RBMS3: variants seen among roughly 807,000 people sequenced by gnomAD.
RBMS3 encodes the protein RNA-binding motif, single-stranded-interacting protein 3.
In RBMS3, 27 loss-of-function variants were observed where a neutral mutation model predicts 66.8. That is an observed-to-expected ratio of 0.40 (90% CI 0.30 to 0.56). The LOEUF (loss-of-function observed/expected upper bound fraction) is 0.56. RBMS3 is among the 20% of genes least tolerant of loss of function. The pLI is 0.40. For missense variants in RBMS3, 513 were observed against 549.5 expected (o/e 0.93, Z 0.66); for synonymous variants, 188 against 183.0 (o/e 1.03, Z -0.22).
At chr3:29,583,203 G>A (rs2047392041) in intron 3 of RBMS3, among the ~76,000 whole-genome samples, 2 of 152,078 alleles carry the variant, frequency 1.3e-5, no homozygotes, top group Admixed American at 1.3e-4. Context: ...CCTCCGTTCA[G>A]ATTGAAGTTT....
At chr3:29,954,842 C>T (rs189746361) in intron 12 of RBMS3, among the ~76,000 whole-genome samples, 285 of 152,092 alleles carry the variant, frequency 1.9e-3, no homozygotes, top group Admixed American at 2.0e-3. Context: ...TCATCCTTCA[C>T]ACACATTCTT....
intron 12 of RBMS3, among the ~76,000 whole-genome samples, chr3:29,961,698 C>G (rs773840179): frequency 1.3e-5 from 2 of 151,686 alleles, no homozygotes; most frequent in Non-Finnish European, 2.9e-5. Flanking sequence ...AGGAAATAAC[C>G]CCTTATAAAA....
intron 2 of RBMS3, among the ~76,000 whole-genome samples, chr3:29,475,054 A>G (rs1178015026): frequency 6.6e-6 from 1 of 152,198 alleles, no homozygotes; most frequent in Admixed American, 6.5e-5. Flanking sequence ...TGCATAATTC[A>G]CTGAGATAAT....
chr3:29,401,129 T>A (rs374702169), intron 1 of RBMS3, among the ~76,000 whole-genome samples: 10 of 152,150 alleles, frequency 6.6e-5, no homozygotes, highest in African/African-American at 2.4e-4. Flanking sequence ...TGAAACAAAA[T>A]TCAATATCGA....
intron 6 of RBMS3, among the ~76,000 whole-genome samples, chr3:29,825,613 C>A (rs1559711409): frequency 1.3e-5 from 2 of 152,150 alleles, no homozygotes; most frequent in Non-Finnish European, 2.9e-5. Flanking sequence ...CTTTGCTTCT[C>A]CTTTGCCATC....
At chr3:29,639,197 G>A (rs982600266) in intron 4 of RBMS3, among the ~76,000 whole-genome samples, 6 of 151,700 alleles carry the variant, frequency 4.0e-5, no homozygotes, top group Non-Finnish European at 8.8e-5. Flanking sequence ...ATCTCTTTCT[G>A]AAAGTTTCCA....
chr3:29,917,094 A>G (rs570966267), intron 10 of RBMS3, among the ~76,000 whole-genome samples: 1 of 152,174 alleles, frequency 6.6e-6, no homozygotes, highest in African/African-American at 2.4e-5. Flanking sequence ...GGTGTCTGCT[A>G]TGTGCCAGGC....
intron 4 of RBMS3, among the ~76,000 whole-genome samples, chr3:29,724,069 C>T (rs192132277): frequency 5.9e-4 from 90 of 151,388 alleles, no homozygotes; most frequent in African/African-American, 1.4e-3. Flanking sequence ...TAATCTTTGT[C>T]GCTCACAAAT....
intron 1 of RBMS3, among the ~76,000 whole-genome samples, chr3:29,285,604 T>G (rs902964474): frequency 6.6e-6 from 1 of 152,086 alleles, no homozygotes; most frequent in Non-Finnish European, 1.5e-5. Context: ...TTCAGACTAG[T>G]GGACCCAAAC....
chr3:29,487,921 T>A (rs1006250118), intron 2 of RBMS3, among the ~76,000 whole-genome samples: 4 of 152,224 alleles, frequency 2.6e-5, no homozygotes, highest in Admixed American at 2.6e-4. Context: ...TTTTAACTAC[T>A]ATATTACATT....
chr3:29,865,015 A>G (rs1484017939), intron 6 of RBMS3, among the ~76,000 whole-genome samples: 2 of 120,216 alleles, frequency 1.7e-5, no homozygotes, highest in African/African-American at 3.1e-5. Context: ...AAGGAAGGGG[A>G]AGGGGAAGGA....
At chr3:29,339,157 C>G (rs2036133921) in intron 1 of RBMS3, among the ~76,000 whole-genome samples, 1 of 152,172 alleles carries the variant, frequency 6.6e-6, no homozygotes, top group African/African-American at 2.4e-5. Context: ...TCTCTAGGGC[C>G]CATGCCGTAA....
intron 4 of RBMS3, among the ~76,000 whole-genome samples, chr3:29,590,678 G>C (rs1411077526): frequency 2.0e-5 from 3 of 151,916 alleles, no homozygotes; most frequent in Non-Finnish European, 4.4e-5. Context: ...TCAGGATATA[G>C]AGAAAAAACT....
intron 4 of RBMS3, among the ~76,000 whole-genome samples, chr3:29,734,524 C>T (rs954130807): frequency 2.0e-5 from 3 of 151,962 alleles, no homozygotes; most frequent in Non-Finnish European, 4.4e-5. Context: ...TACATTTGTA[C>T]AATTATTACT....
intron 4 of RBMS3, among the ~76,000 whole-genome samples, chr3:29,676,667 TCA>T (rs1559559670): frequency 6.6e-6 from 1 of 152,198 alleles, no homozygotes; most frequent in African/African-American, 2.4e-5. Context: ...CATATTGATA[TCA>T]CAGTTTTCTA....
chr3:29,399,966 C>T (rs1366164988), intron 1 of RBMS3, among the ~76,000 whole-genome samples: 1 of 152,020 alleles, frequency 6.6e-6, no homozygotes, highest in African/African-American at 2.4e-5. Flanking sequence ...AAATTCTATA[C>T]ATGTGCCAGG....
chr3:29,904,381 A>G (rs1432833444), intron 10 of RBMS3, among the ~76,000 whole-genome samples: 1 of 151,938 alleles, frequency 6.6e-6, no homozygotes, highest in African/African-American at 2.4e-5. Context: ...GTAAATGTGT[A>G]TTTTTAATAT....
chr3:29,292,046 C>T (rs2032857862), intron 1 of RBMS3, among the ~76,000 whole-genome samples: 1 of 151,666 alleles, frequency 6.6e-6, no homozygotes, highest in South Asian at 2.1e-4. Flanking sequence ...AAATTCACAC[C>T]ATCCCCCAAT....
At chr3:29,818,459 A>C (rs1167002656) in intron 6 of RBMS3, among the ~76,000 whole-genome samples, 1 of 151,934 alleles carries the variant, frequency 6.6e-6, no homozygotes, top group Non-Finnish European at 1.5e-5. Context: ...GCTTGACCCC[A>C]CTGAGAGAAT....
Sources: allele counts gnomAD v4.1 joint callset (sites outside exome capture counted in the v4.1 genomes callset), GRCh38; gene constraint gnomAD v4.1.1; transcripts MANE v1.5; gene names NCBI Gene and HGNC (gene_info 2026-07-23, HGNC 2026-07-21).